CSMD3: variants seen among roughly 807,000 people sequenced by gnomAD.
CSMD3 encodes CUB and sushi domain-containing protein 3.
CSMD3 carries 177 observed loss-of-function variants against 435.2 expected under a neutral mutation model. The ratio of observed to expected loss-of-function variants is 0.41; its 90% confidence interval spans 0.36 to 0.46. The LOEUF is 0.46. Among genes scored for constraint, CSMD3 ranks in the 20% least tolerant of loss-of-function variants. The pLI is 0.34. For synonymous variants in CSMD3, 1,656 were observed against 1,520.5 expected, an observed-to-expected ratio of 1.09 and a Z score of -2.07; for missense variants, 4,265 against 4,504.6, an observed-to-expected ratio of 0.95 and a Z score of 1.52.
chr8:112,705,139 G>T (rs2076471412), intron 13 of CSMD3, among the ~76,000 whole-genome samples: 2 of 152,006 alleles, frequency 1.3e-5, no homozygotes, highest in Admixed American at 6.6e-5. Context: ...CCAAAATATT[G>T]TTTATTTTGA....
At chr8:112,578,774 T>C (rs944699049) in intron 23 of CSMD3, among the ~76,000 whole-genome samples, 2 of 152,040 alleles carry the variant, frequency 1.3e-5, no homozygotes, top group Non-Finnish European at 2.9e-5. Flanking sequence ...AGTCCTGACA[T>C]TGTGGCACAG....
intron 40 of CSMD3, 50 bp downstream of exon 40, chr8:112,351,125 T>A: frequency 8.8e-7 from 1 of 1,138,564 alleles, no homozygotes; most frequent in Non-Finnish European, 1.3e-6. Context: ...ATAGTCTTTT[T>A]TTTTACACTT....
intron 7 of CSMD3, among the ~76,000 whole-genome samples, chr8:112,968,206 G>A (rs1016832072): frequency 1.6e-4 from 24 of 151,714 alleles, no homozygotes; most frequent in African/African-American, 5.6e-4. Flanking sequence ...TTTTACACTG[G>A]CTATAAATAA....
At chr8:112,705,009 A>G (rs1349325963) in intron 13 of CSMD3, among the ~76,000 whole-genome samples, 2 of 152,132 alleles carry the variant, frequency 1.3e-5, no homozygotes, top group Non-Finnish European at 2.9e-5. Context: ...TGTTAAGGCT[A>G]GTCTCATCAA....
chr8:113,269,342 C>T (rs2093499370), intron 3 of CSMD3, among the ~76,000 whole-genome samples: 1 of 152,060 alleles, frequency 6.6e-6, no homozygotes, highest in Non-Finnish European at 1.5e-5. Context: ...ATTCCATGCT[C>T]ATGGATAGGA....
intron 6 of CSMD3, among the ~76,000 whole-genome samples, chr8:112,977,218 CA>C (rs1239865622): frequency 6.6e-6 from 1 of 151,098 alleles, no homozygotes; most frequent in Non-Finnish European, 1.5e-5. Flanking sequence ...CAGCAACAAC[CA>C]AAAAAAATAT....
At chr8:112,620,675 T>C (rs764836193) in intron 22 of CSMD3, among the ~76,000 whole-genome samples, 6 of 152,134 alleles carry the variant, frequency 3.9e-5, no homozygotes, top group Non-Finnish European at 5.9e-5. Flanking sequence ...TAAAAAGAGA[T>C]ACGTGATGTC....
At chr8:112,858,650 A>C (rs1056159246) in intron 11 of CSMD3, among the ~76,000 whole-genome samples, 1 of 151,882 alleles carries the variant, frequency 6.6e-6, no homozygotes, top group African/African-American at 2.4e-5. Flanking sequence ...AATCAAATAG[A>C]AAGGCAATTC....
At chr8:113,083,093 T>C (rs1444048357) in intron 5 of CSMD3, among the ~76,000 whole-genome samples, 1 of 152,242 alleles carries the variant, frequency 6.6e-6, no homozygotes, top group East Asian at 1.9e-4. Flanking sequence ...AGGAAGCAGA[T>C]AGATCCCCAA....
intron 10 of CSMD3, among the ~76,000 whole-genome samples, chr8:112,883,866 T>TA (rs11424270): frequency 0.57 from 86,060 of 151,592 alleles, 26,042 homozygotes; most frequent in East Asian, 0.83. Context: ...GAGATTAGTA[T>TA]AAAAAATCAG....
chr8:112,665,316 G>A (rs2131702046), intron 17 of CSMD3, among the ~76,000 whole-genome samples: 1 of 152,182 alleles, frequency 6.6e-6, no homozygotes, highest in South Asian at 2.1e-4. Flanking sequence ...AATAAACATG[G>A]TTAAATTTAA....
chr8:112,945,530 T>A (rs2083576078), intron 9 of CSMD3, among the ~76,000 whole-genome samples: 1 of 151,444 alleles, frequency 6.6e-6, no homozygotes, highest in African/African-American at 2.4e-5. Context: ...TCTGAGCAGA[T>A]GTTACCCTAA....
At chr8:112,354,148 A>G (rs4531080) in intron 38 of CSMD3, among the ~76,000 whole-genome samples, 65,253 of 151,990 alleles carry the variant, frequency 0.43, 14,654 homozygotes, top group Middle Eastern at 0.54. Context: ...ATCCAACATC[A>G]CTTAATGATA....
intron 1 of CSMD3, among the ~76,000 whole-genome samples, chr8:113,435,401 C>T (rs1268105972): frequency 6.6e-6 from 1 of 152,168 alleles, no homozygotes; most frequent in Non-Finnish European, 1.5e-5. Flanking sequence ...CCAGCTCCCT[C>T]CTCCCAAAAC....
At chr8:112,719,644 C>G (rs1485204399) in intron 13 of CSMD3, among the ~76,000 whole-genome samples, 1 of 152,076 alleles carries the variant, frequency 6.6e-6, no homozygotes, top group Non-Finnish European at 1.5e-5. Context: ...CAAATACTAT[C>G]ATATTGGGGG....
intron 2 of CSMD3, among the ~76,000 whole-genome samples, chr8:113,300,932 G>C (rs948765942): frequency 6.6e-6 from 1 of 152,174 alleles, no homozygotes; most frequent in South Asian, 2.1e-4. Flanking sequence ...ATATGCCACA[G>C]CATGGATAAC....
intron 3 of CSMD3, among the ~76,000 whole-genome samples, chr8:113,229,477 C>T (rs2132177095): frequency 6.6e-6 from 1 of 150,878 alleles, no homozygotes; most frequent in South Asian, 2.1e-4. Flanking sequence ...TCTTTCACAC[C>T]TTTGCCAGCA....
intron 3 of CSMD3, among the ~76,000 whole-genome samples, chr8:113,274,248 T>C (rs2093552675): frequency 6.6e-6 from 1 of 152,202 alleles, no homozygotes; most frequent in Non-Finnish European, 1.5e-5. Context: ...ATGAAATATT[T>C]GCCTAAAGAA....
intron 3 of CSMD3, among the ~76,000 whole-genome samples, chr8:113,226,754 C>T (rs2093033379): frequency 6.6e-6 from 1 of 151,628 alleles, no homozygotes. Flanking sequence ...TTTCCTGCCC[C>T]TGAAGCAGGC....
Sources: allele counts gnomAD v4.1 joint callset (sites outside exome capture counted in the v4.1 genomes callset), GRCh38; gene constraint gnomAD v4.1.1; transcripts MANE v1.5; gene names NCBI Gene and HGNC (gene_info 2026-07-23, HGNC 2026-07-21).